RAB43: variants seen among roughly 807,000 people sequenced by gnomAD.
RAB43 encodes the protein RAB43, member RAS oncogene family, also known as ras-related protein Rab-43.
A neutral mutation model predicts 18.8 loss-of-function variants in RAB43; 6 were observed. That is an observed-to-expected ratio of 0.32 (90% CI 0.17 to 0.63). The LOEUF is 0.63. RAB43 is among the 30% of genes least tolerant of loss of function. RAB43 has a pLI of 0.79. For synonymous variants in RAB43, 103 were observed against 124.1 expected, an observed-to-expected ratio of 0.83 and a Z score of 1.13; for missense variants, 195 against 289.1, an observed-to-expected ratio of 0.67 and a Z score of 2.36.
Position 129,095,690 on chromosome 3 carries a change from A to G in RAB43, c.205-521T>C, listed in dbSNP as rs551798029. On this transcript the variant is annotated intron_variant, in intron 1 of 2. Transcript: ENST00000315150. The surrounding 1 kb of genome is among the most constrained non-coding windows in gnomAD (Gnocchi z 4.2). ...GTGGGAAGGGTGACTGGTGGTGGCA[A>G]TGGGCAGAGTCCTCCCATGGGGCCT... Among the ~76,000 whole-genome samples, 1 of 152,264 alleles carries G rather than the reference A, an allele frequency of 6.6e-6. No individual in the cohort carries two copies. The highest frequency in any genetic ancestry group is 2.4e-5 in the African/African-American group (1 of 41,568).
chr3:129,114,387 A>T (rs1214911389), intron 1 of RAB43, among the ~76,000 whole-genome samples: 1 of 152,212 alleles, frequency 6.6e-6, no homozygotes, highest in East Asian at 1.9e-4. Context: ...CCAGACTAGG[A>T]GCTGAAAAGC....
chr3:129,120,964 G>A (rs1222472039), intron 1 of RAB43, among the ~76,000 whole-genome samples: 15 of 152,114 alleles, frequency 9.9e-5, no homozygotes, highest in Admixed American at 9.8e-4. Flanking sequence ...CTGGAACAGG[G>A]GAGTCTAACC....
intron 1 of RAB43, among the ~76,000 whole-genome samples, chr3:129,105,530 C>T (rs922765381): frequency 6.7e-6 from 1 of 150,144 alleles, no homozygotes; most frequent in Non-Finnish European, 1.5e-5. Flanking sequence ...CCTGTAATCC[C>T]AGCACTTTGG....
At chr3:129,119,264 T>C (rs1237212165) in intron 1 of RAB43, among the ~76,000 whole-genome samples, 2 of 152,144 alleles carry the variant, frequency 1.3e-5, no homozygotes, top group Non-Finnish European at 2.9e-5. Flanking sequence ...AGGACAGTGT[T>C]CCCTCAAGTT....
Position 129,116,566 on chromosome 3 carries a change from C to G in RAB43, c.204+4720G>C, listed in dbSNP as rs192735037. ...CCAGAAACCATTTCCTCTTATCCCG[C>G]CCTGCCCCCTCTTTTTGAAGTGCCA... On this transcript the variant is annotated intron_variant, in intron 1 of 2. Coordinates refer to ENST00000315150, the MANE Select transcript of RAB43 (RefSeq NM_198490.3). Among the ~76,000 whole-genome samples, 169 of 152,340 alleles carry G rather than the reference C, an allele frequency of 1.1e-3. 1 individual carries two copies. The highest frequency in any genetic ancestry group is 2.3e-3 in the East Asian group (12 of 5,194).
At chr3:129,110,397 G>C (rs1935081565) in intron 1 of RAB43, among the ~76,000 whole-genome samples, 1 of 152,144 alleles carries the variant, frequency 6.6e-6, no homozygotes, top group Admixed American at 6.6e-5. Flanking sequence ...CAAGTGCTTT[G>C]ATACCTAAGA....
chr3:129,106,148 C>T lies in RAB43; in HGVS notation c.205-10979G>A, dbSNP rs1304662173. Among the ~76,000 whole-genome samples, 5 of 152,310 alleles carry T rather than the reference C, an allele frequency of 3.3e-5. No homozygotes were observed. In the South Asian group the frequency reaches 8.3e-4, roughly 25 times the overall value. ...CTAGGTTAAAAGCACCACTGAAGTT[C>T]GGCTCTGGGACCTGTGTCCAGCATC... On this transcript the variant is annotated intron_variant, in intron 1 of 2. Coordinates refer to ENST00000315150, the MANE Select transcript of RAB43 (RefSeq NM_198490.3).
chr3:129,098,752 A>G lies in RAB43; in HGVS notation c.205-3583T>C, dbSNP rs112366273. 3.2e-3 allele frequency among the ~76,000 whole-genome samples: 490 copies of G among 152,336 alleles called. 1 individual carries two copies. Among genetic ancestry groups the G allele is most frequent in the African/African-American group, 0.011 (461 of 41,582 alleles). On this transcript the variant is annotated intron_variant, in intron 1 of 2. Transcript: ENST00000315150. ...AATGAAAAATTATTTCTTAAAACATAAATGTTTTATTAAACTATTTATTAT... is the reference window on the plus strand; with the variant it reads ...AATGAAAAATTATTTCTTAAAACATGAATGTTTTATTAAACTATTTATTAT...
chr3:129,093,014 A>G (rs1933782848), intron 2 of RAB43, among the ~76,000 whole-genome samples: 1 of 150,716 alleles, frequency 6.6e-6, no homozygotes, highest in Non-Finnish European at 1.5e-5. Flanking sequence ...TTTGGAAGAC[A>G]GAGTCTTACT....
intron 2 of RAB43, 144 bp downstream of exon 2, chr3:129,094,842 G>A: frequency 1.8e-6 from 2 of 1,142,402 alleles, no homozygotes; most frequent in African/African-American, 3.1e-5. Context: ...TAAGTGATTA[G>A]CAGGATCAGG....
intron 1 of RAB43, among the ~76,000 whole-genome samples, chr3:129,119,787 AG>A (rs1426647176): frequency 6.6e-6 from 1 of 152,222 alleles, no homozygotes; most frequent in East Asian, 1.9e-4. Flanking sequence ...ACAGGTAAAC[AG>A]GAACCCTGCC....
At chr3:129,109,879 T>G (rs900534083) in intron 1 of RAB43, among the ~76,000 whole-genome samples, 2 of 151,664 alleles carry the variant, frequency 1.3e-5, no homozygotes, top group Non-Finnish European at 2.9e-5. Flanking sequence ...TCCTTTTTTT[T>G]TGTGAGACAG....
At chr3:129,109,181 C>A (rs1330112686) in intron 1 of RAB43, among the ~76,000 whole-genome samples, 2 of 152,064 alleles carry the variant, frequency 1.3e-5, no homozygotes, top group South Asian at 2.1e-4. Flanking sequence ...GAGGCCAAGG[C>A]GGGCGGATCA....
At chr3:129,112,351 T>C (rs1349002126) in intron 1 of RAB43, among the ~76,000 whole-genome samples, 1 of 151,920 alleles carries the variant, frequency 6.6e-6, no homozygotes, top group Non-Finnish European at 1.5e-5. Context: ...ATTTTAAAAA[T>C]ATCCAATTTT....
chr3:129,121,749 A>C lies in RAB43; in HGVS notation c.-260T>G, dbSNP rs1389926634. Reference sequence around the variant, plus strand: ...GGTTCGGCTCCCCCCCGGACCCGCCAAGCCGGGCCCTCCGCAAAGCTCCGG... The same window carrying C: ...GGTTCGGCTCCCCCCCGGACCCGCCCAGCCGGGCCCTCCGCAAAGCTCCGG... On this transcript the variant is annotated 5_prime_UTR_variant, in exon 1 of 3. Coordinates refer to ENST00000315150, the MANE Select transcript of RAB43 (RefSeq NM_198490.3). 57 of 175,372 alleles carry C rather than the reference A, an allele frequency of 3.3e-4. No homozygotes were observed. Among genetic ancestry groups the C allele is most frequent in the African/African-American group, 2.4e-3 (54 of 22,188 alleles). 10.9% of individuals were successfully genotyped at this position (175,372 alleles called of 1,614,324 possible). A position where few individuals can be genotyped will look rare whatever the true frequency, so the allele number is the denominator to read the frequency against.
At chr3:129,111,915 C>T (rs1268000404) in intron 1 of RAB43, among the ~76,000 whole-genome samples, 5 of 151,870 alleles carry the variant, frequency 3.3e-5, no homozygotes, top group Non-Finnish European at 4.4e-5. Context: ...TTTTTGGTCA[C>T]GAAATCACCC....
chr3:129,121,196 G>A (rs1002344455), intron 1 of RAB43, 90 bp downstream of exon 1: 3 of 1,173,958 alleles, frequency 2.6e-6, no homozygotes, highest in Non-Finnish European at 1.2e-6. Context: ...TCAGATGGAC[G>A]CGGGGTGCGC....
At chr3:129,111,229 C>T (rs1355300289) in intron 1 of RAB43, among the ~76,000 whole-genome samples, 4 of 152,064 alleles carry the variant, frequency 2.6e-5, no homozygotes, top group African/African-American at 9.7e-5. Context: ...CTTCAAGAGT[C>T]CATGGCTGGG....
chr3:129,103,813 C>G (rs1934582892), intron 1 of RAB43, among the ~76,000 whole-genome samples: 1 of 152,190 alleles, frequency 6.6e-6, no homozygotes, highest in African/African-American at 2.4e-5. Flanking sequence ...GATCTGCCCG[C>G]TTTGGCCTCC....
Sources: gnomAD v4.1 joint callset for allele counts (sites outside exome capture counted in the v4.1 genomes callset) on GRCh38, gnomAD v4.1.1 for gene constraint, Gnocchi (gnomAD v3.1) non-coding constraint, MANE v1.5 for transcripts, NCBI Gene and HGNC (gene_info 2026-07-23, HGNC 2026-07-21) for gene names.